CLNK: variants seen among roughly 807,000 people sequenced by gnomAD.
The protein encoded by CLNK is cytokine dependent hematopoietic cell linker.
A neutral mutation model predicts 68.6 loss-of-function variants in CLNK; 74 were observed. The observed-to-expected ratio is 1.08, with a 90% CI of 0.89 to 1.31. CLNK has a LOEUF of 1.31. CLNK is among the 50% of genes most tolerant of loss of function. CLNK has a pLI of 0.00. For missense variants in CLNK, 553 were observed against 515.3 expected (o/e 1.07, Z -0.71); for synonymous variants, 198 against 172.2 (o/e 1.15, Z -1.17).
rs770396090 is a variant in CLNK at position 10,501,406 on chromosome 4, A to C, written c.990T>G (p.Gly330=). Residue 330 remains glycine (G), a synonymous_variant, in exon 18 of 19, where the codon GGT becomes GGG. Coordinates refer to ENST00000226951, the MANE Select transcript of CLNK (RefSeq NM_052964.4). ...TGGAACAATCTCGGACCAAGAAACT[A>C]CCATCCTGAAGCAAAAAGAGTAACA... ...EEAFMKENKD[G]SFLVRDCSTK... The C allele has an allele frequency of 1.4e-5, 22 of 1,607,886 alleles. No homozygotes were observed. The South Asian group carries it at 2.0e-4, about 15-fold the overall frequency.
the CLNK span, among the ~76,000 whole-genome samples, chr4:10,712,844 C>T: frequency 6.6e-6 from 1 of 152,166 alleles, no homozygotes; most frequent in East Asian, 1.9e-4. Flanking sequence ...AACTGATGCC[C>T]ACCAGACATG....
intron 16 of CLNK, 82 bp downstream of exon 16, chr4:10,513,382 C>A: frequency 2.3e-6 from 3 of 1,294,218 alleles, no homozygotes; most frequent in Non-Finnish European, 1.1e-6. Flanking sequence ...CATAAATAAT[C>A]TCCTTTTGGG....
At chr4:10,615,975 G>C (rs1212343388) in intron 2 of CLNK, among the ~76,000 whole-genome samples, 2 of 152,152 alleles carry the variant, frequency 1.3e-5, no homozygotes, top group African/African-American at 2.4e-5. Flanking sequence ...GCTGCTTTCT[G>C]TATTAAAGTT....
intron 2 of CLNK, among the ~76,000 whole-genome samples, chr4:10,612,591 C>A (rs555334614): frequency 3.3e-5 from 5 of 152,306 alleles, no homozygotes; most frequent in African/African-American, 9.6e-5. Flanking sequence ...CTTTCCACTG[C>A]GTCATGCTGG....
intron 3 of CLNK, among the ~76,000 whole-genome samples, chr4:10,587,377 T>C (rs894306664): frequency 1.3e-5 from 2 of 152,310 alleles, no homozygotes; most frequent in African/African-American, 2.4e-5. Context: ...CCCGAGGCAG[T>C]GGAAGGCTCC....
intron 2 of CLNK, chr4:10,598,699 A>T (rs1183089749): frequency 9.0e-6 from 4 of 442,788 alleles, no homozygotes; most frequent in Non-Finnish European, 1.8e-5. Context: ...ATTCACTGTC[A>T]TAAAGCATCA....
chr4:10,510,704 A>G (rs1197950962), intron 16 of CLNK, among the ~76,000 whole-genome samples: 1 of 152,158 alleles, frequency 6.6e-6, no homozygotes, highest in East Asian at 1.9e-4. Context: ...CATCTGTACA[A>G]TGAGAACTTT....
intron 2 of CLNK, among the ~76,000 whole-genome samples, chr4:10,667,437 C>G (rs572206021): frequency 1.0e-3 from 144 of 140,030 alleles, no homozygotes; most frequent in African/African-American, 3.6e-3. Flanking sequence ...TAATCAGGCA[C>G]AAATTTCGGT....
At chr4:10,593,559 C>T (rs1207707713) in intron 3 of CLNK, among the ~76,000 whole-genome samples, 1 of 152,142 alleles carries the variant, frequency 6.6e-6, no homozygotes, top group African/African-American at 2.4e-5. Flanking sequence ...GAGGCTGAGG[C>T]ACAAGAATTG....
intron 5 of CLNK, among the ~76,000 whole-genome samples, chr4:10,567,514 T>A (rs921176645): frequency 6.6e-6 from 1 of 152,314 alleles, no homozygotes; most frequent in East Asian, 1.9e-4. Flanking sequence ...CTTCATTTCT[T>A]GGCTTAGGCA....
chr4:10,655,421 A>C (rs1016586536), intron 2 of CLNK, among the ~76,000 whole-genome samples: 4 of 151,840 alleles, frequency 2.6e-5, no homozygotes, highest in Admixed American at 6.6e-5. Context: ...ATGAAAGAGC[A>C]GACATTCAAG....
the CLNK span, among the ~76,000 whole-genome samples, chr4:10,713,515 G>A: frequency 6.6e-6 from 1 of 152,088 alleles, no homozygotes; most frequent in Non-Finnish European, 1.5e-5. Context: ...TCACATAGCT[G>A]TAGAGAGAGA....
intron 8 of CLNK, among the ~76,000 whole-genome samples, chr4:10,551,897 G>T (rs986111180): frequency 6.6e-6 from 1 of 150,894 alleles, no homozygotes; most frequent in Admixed American, 6.6e-5. Flanking sequence ...GTCCAGGCTG[G>T]AGTGTAGGGG....
At chr4:10,698,767 G>A in the CLNK span, among the ~76,000 whole-genome samples, 1 of 152,164 alleles carries the variant, frequency 6.6e-6, no homozygotes, top group African/African-American at 2.4e-5. Context: ...CAGATATTGG[G>A]CCAAACTATA....
Position 10,653,992 on chromosome 4 carries a change from G to A in CLNK, c.11+13867C>T, listed in dbSNP as rs1008442121. Among the ~76,000 whole-genome samples, 3 of 144,296 alleles carry A rather than the reference G, an allele frequency of 2.1e-5. No homozygotes were observed. The South Asian group carries it at 7.1e-4, about 34-fold the overall frequency. The allele number at this position is 144,296 out of a possible 152,430, so 94.7% of individuals were successfully genotyped here. ...CAATAGCTGAAAATCTTCCCTCAAG[G>A]AAATACCAATTCAAGATCAGTTTGC... On this transcript the variant is annotated intron_variant, in intron 2 of 18. Coordinates refer to ENST00000226951, the MANE Select transcript of CLNK (RefSeq NM_052964.4).
the CLNK span, among the ~76,000 whole-genome samples, chr4:10,717,596 A>AC: frequency 6.6e-6 from 1 of 152,130 alleles, no homozygotes. Flanking sequence ...ACTCCAAAAA[A>AC]CAAAACAGAA....
At chr4:10,639,317 G>C (rs1213500861) in intron 2 of CLNK, among the ~76,000 whole-genome samples, 1 of 152,200 alleles carries the variant, frequency 6.6e-6, no homozygotes, top group Non-Finnish European at 1.5e-5. Context: ...CTGACACAAT[G>C]AATAATGCTT....
intron 4 of CLNK, among the ~76,000 whole-genome samples, chr4:10,582,410 G>T (rs778116626): frequency 1.3e-5 from 2 of 152,176 alleles, no homozygotes; most frequent in African/African-American, 4.8e-5. Context: ...TCCCTGACAA[G>T]ATGAAATTTC....
chr4:10,713,923 C>A, the CLNK span, among the ~76,000 whole-genome samples: 1 of 152,182 alleles, frequency 6.6e-6, no homozygotes, highest in Admixed American at 6.5e-5. Context: ...TAGACTAATG[C>A]AATCCTTTTT....
Sources: gnomAD v4.1 joint callset for allele counts (sites outside exome capture counted in the v4.1 genomes callset) on GRCh38, gnomAD v4.1.1 for gene constraint, MANE v1.5 for transcripts, NCBI Gene and HGNC (gene_info 2026-07-23, HGNC 2026-07-21) for gene names.